Variants in MACROD2 observed in about 807,000 individuals in gnomAD.
The protein encoded by MACROD2 is ADP-ribose glycohydrolase MACROD2.
In MACROD2, 36 loss-of-function variants were observed where a neutral mutation model predicts 70.4. The ratio of observed to expected loss-of-function variants is 0.51; its 90% CI spans 0.39 to 0.68. The LOEUF (loss-of-function observed/expected upper bound fraction) is 0.68, where lower values mean the gene tolerates loss of function less well. Among genes scored for constraint, MACROD2 ranks in the 30% least tolerant of loss-of-function variants. The pLI, the probability that MACROD2 is intolerant of heterozygous loss-of-function variation, is 0.00. For synonymous variants in MACROD2, 172 were observed against 178.8 expected (o/e 0.96, Z 0.30); for missense variants, 496 against 538.4 (o/e 0.92, Z 0.78).
intron 5 of MACROD2, among the ~76,000 whole-genome samples, chr20:14,774,653 A>G (rs1347754916): frequency 6.6e-6 from 1 of 152,090 alleles, no homozygotes; most frequent in Admixed American, 6.6e-5. Context: ...CTATTATTAC[A>G]TCTAGACTTA....
chr20:14,192,379 A>G (rs1017586202), intron 3 of MACROD2, among the ~76,000 whole-genome samples: 32 of 152,178 alleles, frequency 2.1e-4, no homozygotes, highest in South Asian at 2.1e-4. Flanking sequence ...ATGAACAGCA[A>G]CATCCAAGAG....
chr20:14,613,961 A>T (rs1983321449), intron 4 of MACROD2, among the ~76,000 whole-genome samples: 1 of 152,154 alleles, frequency 6.6e-6, no homozygotes, highest in African/African-American at 2.4e-5. Flanking sequence ...ATCTAAGTAC[A>T]ATCCAAATGT....
At chr20:15,554,234 G>A (rs1247409020) in intron 8 of MACROD2, among the ~76,000 whole-genome samples, 1 of 152,134 alleles carries the variant, frequency 6.6e-6, no homozygotes, top group East Asian at 1.9e-4. Context: ...CTAAATCTGG[G>A]GCTATAGGAG....
chr20:16,034,064 C>G (rs181596910), intron 15 of MACROD2, among the ~76,000 whole-genome samples: 1 of 152,132 alleles, frequency 6.6e-6, no homozygotes, highest in Non-Finnish European at 1.5e-5. Flanking sequence ...CCCTTGCACC[C>G]CTATGGATTT....
intron 3 of MACROD2, among the ~76,000 whole-genome samples, chr20:14,230,466 G>A (rs2081792408): frequency 6.6e-6 from 1 of 151,166 alleles, no homozygotes; most frequent in Admixed American, 6.6e-5. Context: ...TTCAAGTTTT[G>A]TTGTGAGACT....
chr20:14,883,350 A>G (rs994336428), intron 5 of MACROD2, among the ~76,000 whole-genome samples: 1 of 152,136 alleles, frequency 6.6e-6, no homozygotes, highest in African/African-American at 2.4e-5. Context: ...CTTCCTTTTC[A>G]ATGAAGACAG....
chr20:14,225,769 G>A (rs2122182330), intron 3 of MACROD2, among the ~76,000 whole-genome samples: 1 of 152,304 alleles, frequency 6.6e-6, no homozygotes, highest in East Asian at 1.9e-4. Flanking sequence ...AAGTGCAAGT[G>A]GTCTCAAGCT....
At chr20:14,705,403 C>A (rs775230066) in intron 5 of MACROD2, among the ~76,000 whole-genome samples, 13 of 151,934 alleles carry the variant, frequency 8.6e-5, no homozygotes, top group Non-Finnish European at 1.5e-4. Flanking sequence ...CAGAATGTAC[C>A]CATGTAGTGT....
At chr20:15,718,395 A>G (rs893190376) in intron 8 of MACROD2, among the ~76,000 whole-genome samples, 1 of 152,242 alleles carries the variant, frequency 6.6e-6, no homozygotes, top group Non-Finnish European at 1.5e-5. Context: ...CCAACTGTAT[A>G]TTAATTATGA....
rs530826317 is a variant in MACROD2 at position 14,047,482 on chromosome 20, G to C, written c.164-38139G>C. Among the ~76,000 whole-genome samples the C allele has an allele frequency of 5.3e-5, 8 of 151,044 alleles. No individual in the cohort carries two copies. In the South Asian group the frequency reaches 1.7e-3, roughly 32 times the overall value. ...AAAAAAAAAAAAAAAAAAATCCATG[G>C]AAATGATAAACACCAAACTTAGGTT... On this transcript the variant is annotated intron_variant, in intron 2 of 17. Transcript: ENST00000684519.
At chr20:14,845,902 A>G (rs1374098231) in intron 5 of MACROD2, among the ~76,000 whole-genome samples, 1 of 152,092 alleles carries the variant, frequency 6.6e-6, no homozygotes, top group Non-Finnish European at 1.5e-5. Flanking sequence ...TAACAGAAAC[A>G]GTTGGCACCA....
At chr20:14,442,985 G>A (rs1234449915) in intron 3 of MACROD2, among the ~76,000 whole-genome samples, 2 of 151,604 alleles carry the variant, frequency 1.3e-5, no homozygotes, top group Non-Finnish European at 2.9e-5. Context: ...AGGCTGAGAC[G>A]GGAGAATGGC....
At chr20:15,439,675 A>G (rs1005718025) in intron 7 of MACROD2, among the ~76,000 whole-genome samples, 2 of 152,164 alleles carry the variant, frequency 1.3e-5, no homozygotes, top group African/African-American at 4.8e-5. Context: ...GAGAGCAGAC[A>G]CTGCCTTCTT....
chr20:15,344,561 A>G (rs2078144279), intron 6 of MACROD2, among the ~76,000 whole-genome samples: 1 of 152,090 alleles, frequency 6.6e-6, no homozygotes, highest in Non-Finnish European at 1.5e-5. Flanking sequence ...TCGTATAGAA[A>G]CAATTATTTT....
At chr20:14,066,188 A>G (rs951135721) in intron 2 of MACROD2, among the ~76,000 whole-genome samples, 9 of 152,170 alleles carry the variant, frequency 5.9e-5, no homozygotes, top group African/African-American at 2.2e-4. Flanking sequence ...TTTGTATGTG[A>G]TACTGTAAAT....
At chr20:15,705,987 A>C (rs1372058484) in intron 8 of MACROD2, among the ~76,000 whole-genome samples, 2 of 152,226 alleles carry the variant, frequency 1.3e-5, no homozygotes, top group Admixed American at 1.3e-4. Flanking sequence ...TCATTTTAAA[A>C]ACATAAAGAT....
intron 7 of MACROD2, among the ~76,000 whole-genome samples, chr20:15,498,331 A>G (rs150742554): frequency 9.9e-5 from 15 of 152,276 alleles, no homozygotes; most frequent in African/African-American, 3.6e-4. Context: ...CTACTAGAAT[A>G]CATATTTGCC....
At chr20:14,934,497 G>A (rs561378347) in intron 5 of MACROD2, among the ~76,000 whole-genome samples, 2 of 152,100 alleles carry the variant, frequency 1.3e-5, no homozygotes, top group Admixed American at 6.5e-5. Context: ...ATCAGAAAAG[G>A]TTTAACAGGC....
intron 8 of MACROD2, among the ~76,000 whole-genome samples, chr20:15,850,982 A>G (rs2064291484): frequency 6.6e-6 from 1 of 152,118 alleles, no homozygotes; most frequent in Admixed American, 6.6e-5. Flanking sequence ...TCACTGTTGG[A>G]CAGAGCTCAG....
Sources: allele counts gnomAD v4.1 joint callset (sites outside exome capture counted in the v4.1 genomes callset), GRCh38; gene constraint gnomAD v4.1.1; transcripts MANE v1.5; gene names NCBI Gene and HGNC (gene_info 2026-07-23, HGNC 2026-07-21).